ASPRV1: variants seen among roughly 807,000 people sequenced by gnomAD.
The protein encoded by ASPRV1 is aspartic peptidase retroviral like 1, also known as retroviral-like aspartic protease 1.
ASPRV1 carries 7 observed loss-of-function variants against 11.0 expected under a neutral mutation model. That is an observed-to-expected ratio of 0.64 (90% confidence interval 0.36 to 1.20). The LOEUF is 1.20. ASPRV1 is among the 50% of genes most tolerant of loss of function. The pLI is 0.02. For synonymous variants in ASPRV1, 136 were observed against 138.4 expected, an observed-to-expected ratio of 0.98 and a Z score of 0.12; for missense variants, 299 against 320.0, an observed-to-expected ratio of 0.93 and a Z score of 0.50.
the ASPRV1 span, among the ~76,000 whole-genome samples, chr2:70,042,310 A>G: frequency 6.6e-6 from 1 of 152,200 alleles, no homozygotes. Context: ...TAGCGCAAAG[A>G]GCACTAGGCG....
chr2:69,968,524 G>A, the ASPRV1 span: 3 of 152,062 alleles, frequency 2.0e-5, no homozygotes, highest in African/African-American at 7.2e-5. Context: ...ACCCTGTCTT[G>A]GAAAGCAAAC....
upstream of ASPRV1, chr2:69,962,408 C>T (rs927943019): frequency 1.3e-5 from 2 of 152,506 alleles, no homozygotes; most frequent in African/African-American, 4.8e-5. Flanking sequence ...TCCAGGGCCC[C>T]TTCCCCAGGC....
the ASPRV1 span, among the ~76,000 whole-genome samples, chr2:70,083,841 T>C: frequency 6.6e-6 from 1 of 152,132 alleles, no homozygotes; most frequent in Non-Finnish European, 1.5e-5. Context: ...TCTTGCTTTA[T>C]AAAAGGGAGA....
At chr2:69,964,290 T>C (rs1433489097), upstream of ASPRV1, 3 of 444,738 alleles carry the variant, frequency 6.7e-6, no homozygotes, top group African/African-American at 4.0e-5. Context: ...TTGAGGCAGA[T>C]GGCCCTTCGG....
chr2:69,993,136 C>G, the ASPRV1 span, among the ~76,000 whole-genome samples: 12 of 152,184 alleles, frequency 7.9e-5, no homozygotes, highest in African/African-American at 2.7e-4. Context: ...AAACAGAGAC[C>G]CGGCCCTGCC....
upstream of ASPRV1, chr2:69,961,694 T>C: frequency 6.5e-7 from 1 of 1,532,688 alleles, no homozygotes; most frequent in Non-Finnish European, 8.8e-7. Flanking sequence ...CCCATTCTCC[T>C]TTGTTCTGGA....
the ASPRV1 span, among the ~76,000 whole-genome samples, chr2:70,034,490 G>A: frequency 1.3e-5 from 2 of 151,388 alleles, no homozygotes; most frequent in South Asian, 2.1e-4. Context: ...AGAATCACTT[G>A]AACCCGGGAG....
chr2:69,961,381 G>C lies in ASPRV1; in HGVS notation c.56C>G (p.Pro19Arg), dbSNP rs540713196. 6.2e-7 allele frequency: 1 copy of C among 1,614,100 alleles called. No homozygotes were observed. The highest frequency in any genetic ancestry group is 1.1e-5 in the South Asian group (1 of 91,084). The part of the protein sequence containing the change: ...EEGRRQHAFV[P>R]EPFDGANVVP... The stretch of plus-strand genomic sequence containing the variant: ...GACATTGGCCCCATCAAAAGGTTCC[G>C]GGACGAAGGCATGCTGCCGGCGGCC... The change falls in exon 1 of 1, where the codon CCG becomes CGG. Residue 19 changes from proline (P) to arginine (R), a missense_variant. Physicochemically the swap from Pro to Arg is moderately radical, Grantham distance 103. Transcript: ENST00000320256.
At chr2:69,955,337 T>C (rs973063664), downstream of ASPRV1, among the ~76,000 whole-genome samples, 4 of 152,206 alleles carry the variant, frequency 2.6e-5, no homozygotes, top group Admixed American at 6.5e-5. Flanking sequence ...TGTCCTCAGA[T>C]AAGGACACAC....
At chr2:70,021,588 G>A in the ASPRV1 span, among the ~76,000 whole-genome samples, 9 of 152,060 alleles carry the variant, frequency 5.9e-5, no homozygotes, top group Non-Finnish European at 4.4e-5. Context: ...AGAGTGCTGG[G>A]ATTACAGGTG....
At chr2:70,054,363 G>A in the ASPRV1 span, among the ~76,000 whole-genome samples, 3 of 151,458 alleles carry the variant, frequency 2.0e-5, no homozygotes, top group African/African-American at 7.3e-5. Flanking sequence ...CGAGGCGGGT[G>A]GGTCACAAGG....
At chr2:70,080,234 T>G in the ASPRV1 span, among the ~76,000 whole-genome samples, 4 of 97,652 alleles carry the variant, frequency 4.1e-5, no homozygotes, top group African/African-American at 3.6e-4. Flanking sequence ...CCCCTTCTGT[T>G]TTTTTTTTTT....
At chr2:70,059,766 C>T in the ASPRV1 span, 1 of 153,646 alleles carries the variant, frequency 6.5e-6, no homozygotes, top group Non-Finnish European at 1.4e-5. Context: ...CCCTCACTTG[C>T]TCAGTTCACA....
At chr2:70,047,078 A>G in the ASPRV1 span, among the ~76,000 whole-genome samples, 2 of 152,214 alleles carry the variant, frequency 1.3e-5, no homozygotes, top group African/African-American at 4.8e-5. Context: ...TGAACTTTCC[A>G]GGTCAATATT....
At chr2:69,949,947 CT>C in the ASPRV1 span, among the ~76,000 whole-genome samples, 2 of 152,098 alleles carry the variant, frequency 1.3e-5, no homozygotes, top group Non-Finnish European at 2.9e-5. Context: ...TCCCGAGTAG[CT>C]GGGATTACAG....
At chr2:69,981,486 T>A in the ASPRV1 span, among the ~76,000 whole-genome samples, 4 of 152,360 alleles carry the variant, frequency 2.6e-5, no homozygotes, top group Non-Finnish European at 4.4e-5. Flanking sequence ...TCATAGTTTC[T>A]TCTAAATGCA....
At chr2:70,042,397 G>C in the ASPRV1 span, among the ~76,000 whole-genome samples, 1 of 152,152 alleles carries the variant, frequency 6.6e-6, no homozygotes, top group Non-Finnish European at 1.5e-5. Flanking sequence ...GCAAGAAAAG[G>C]CTCTAGTATC....
At position 69,960,602 on chromosome 2, in the gene ASPRV1, C is replaced by CCA; in HGVS notation, c.*53_*54dup. The CCA allele has an allele frequency of 6.5e-7, 1 of 1,528,874 alleles. No homozygotes were observed. 94.7% of individuals were successfully genotyped at this position (1,528,874 alleles called of 1,614,324 possible). On this transcript the variant is annotated 3_prime_UTR_variant, in exon 1 of 1. Transcript: ENST00000320256. ...CCCCCATGAGGATATGCAACCCCCCCCACAGCGGTGGGTCTTCCCACCAAT... is the reference window on the plus strand; with the variant it reads ...CCCCCATGAGGATATGCAACCCCCCCCACACAGCGGTGGGTCTTCCCACCAAT...
the ASPRV1 span, among the ~76,000 whole-genome samples, chr2:69,967,636 C>G: frequency 6.6e-6 from 1 of 152,112 alleles, no homozygotes; most frequent in African/African-American, 2.4e-5. Flanking sequence ...AAGAAAGACA[C>G]CAAAACAATG....
Sources: allele counts gnomAD v4.1 joint callset (sites outside exome capture counted in the v4.1 genomes callset), GRCh38; gene constraint gnomAD v4.1.1; transcripts MANE v1.5; gene names NCBI Gene and HGNC (gene_info 2026-07-23, HGNC 2026-07-21).